CTNNA3: variants seen among roughly 807,000 people sequenced by gnomAD.
The protein encoded by CTNNA3 is catenin alpha 3, also known as catenin alpha-3.
CTNNA3 carries 76 observed loss-of-function variants against 95.7 expected under a neutral mutation model. The observed-to-expected ratio is 0.79, with a 90% CI of 0.66 to 0.96. The LOEUF (loss-of-function observed/expected upper bound fraction) is 0.96. Among genes scored for constraint, CTNNA3 ranks in the 40% least tolerant of loss-of-function variants. CTNNA3 has a pLI of 0.00. For missense variants in CTNNA3, 1,191 were observed against 1,089.8 expected, an observed-to-expected ratio of 1.09 and a Z score of -1.31; for synonymous variants, 431 against 374.4, an observed-to-expected ratio of 1.15 and a Z score of -1.74.
intron 13 of CTNNA3, among the ~76,000 whole-genome samples, chr10:66,189,462 C>T (rs1443625136): frequency 2.6e-5 from 4 of 151,564 alleles, no homozygotes; most frequent in Non-Finnish European, 5.9e-5. Flanking sequence ...TTTATTTCCC[C>T]ATTGTGTCTT....
At chr10:67,593,110 G>C (rs889943000) in intron 3 of CTNNA3, among the ~76,000 whole-genome samples, 1 of 152,082 alleles carries the variant, frequency 6.6e-6, no homozygotes, top group African/African-American at 2.4e-5. Flanking sequence ...CAGGATAATG[G>C]CCTCCAGTTG....
intron 13 of CTNNA3, among the ~76,000 whole-genome samples, chr10:66,124,356 CTCAGCCTGGATT>C (rs1380778184): frequency 6.6e-6 from 1 of 152,202 alleles, no homozygotes; most frequent in Admixed American, 6.5e-5. Context: ...CTGAGACCAC[CTCAGCCTGGATT>C]TCATTGTCCA....
intron 7 of CTNNA3, among the ~76,000 whole-genome samples, chr10:67,094,342 C>T (rs1589729769): frequency 1.3e-5 from 2 of 151,884 alleles, no homozygotes; most frequent in East Asian, 3.9e-4. Flanking sequence ...AATGTCATCT[C>T]ATTAAACAGT....
chr10:67,584,941 C>T (rs919933450), intron 3 of CTNNA3, among the ~76,000 whole-genome samples: 2 of 152,180 alleles, frequency 1.3e-5, no homozygotes, highest in African/African-American at 4.8e-5. Flanking sequence ...GTGGGCGTGT[C>T]CTGATTTTCC....
chr10:67,681,159 G>T (rs1404329394), intron 1 of CTNNA3, among the ~76,000 whole-genome samples: 1 of 152,126 alleles, frequency 6.6e-6, no homozygotes, highest in African/African-American at 2.4e-5. Flanking sequence ...GACCACTTGA[G>T]AACTTGATAA....
chr10:67,548,120 C>A (rs1347265064), intron 3 of CTNNA3, among the ~76,000 whole-genome samples: 1 of 152,092 alleles, frequency 6.6e-6, no homozygotes, highest in Non-Finnish European at 1.5e-5. Flanking sequence ...GTGCTGTCCT[C>A]ATGATAACAA....
At chr10:66,202,053 C>G (rs894935012) in intron 13 of CTNNA3, among the ~76,000 whole-genome samples, 2 of 152,104 alleles carry the variant, frequency 1.3e-5, no homozygotes, top group Non-Finnish European at 2.9e-5. Context: ...TCCCAAAGTG[C>G]TGGGATTATG....
intron 11 of CTNNA3, among the ~76,000 whole-genome samples, chr10:66,384,167 T>C (rs1248538489): frequency 6.6e-6 from 1 of 151,402 alleles, no homozygotes; most frequent in African/African-American, 2.4e-5. Flanking sequence ...GGATAAAGAG[T>C]CAAAACCCGT....
At chr10:66,672,479 C>T (rs1284972587) in intron 9 of CTNNA3, among the ~76,000 whole-genome samples, 1 of 151,996 alleles carries the variant, frequency 6.6e-6, no homozygotes, top group African/African-American at 2.4e-5. Context: ...AAAATGGTAT[C>T]ATGAGATGTC....
At chr10:66,973,874 G>T (rs555167055) in intron 7 of CTNNA3, among the ~76,000 whole-genome samples, 2 of 151,940 alleles carry the variant, frequency 1.3e-5, no homozygotes, top group African/African-American at 4.8e-5. Context: ...TATCCCCCTC[G>T]GCCTCCCAAA....
chr10:65,935,832 G>T (rs1441102917), intron 17 of CTNNA3, among the ~76,000 whole-genome samples: 1 of 152,066 alleles, frequency 6.6e-6, no homozygotes. Context: ...GAGTATAGAA[G>T]GCTAGGGGTA....
chr10:67,317,178 T>C (rs12761940), intron 5 of CTNNA3, among the ~76,000 whole-genome samples: 1 of 148,514 alleles, frequency 6.7e-6, no homozygotes. Context: ...TTTGTTTTTT[T>C]CTTTTTGTTT....
chr10:67,298,426 T>C (rs1252186429), intron 5 of CTNNA3, among the ~76,000 whole-genome samples: 1 of 152,252 alleles, frequency 6.6e-6, no homozygotes, highest in Non-Finnish European at 1.5e-5. Flanking sequence ...ACTCTAATCC[T>C]AGAAACTTCA....
At chr10:67,256,355 T>A (rs1225048600) in intron 5 of CTNNA3, among the ~76,000 whole-genome samples, 1 of 152,196 alleles carries the variant, frequency 6.6e-6, no homozygotes, top group Non-Finnish European at 1.5e-5. Context: ...ATTGTTTACT[T>A]AATAATTTCA....
chr10:65,930,941 A>G (rs1170329267), intron 17 of CTNNA3, among the ~76,000 whole-genome samples: 2 of 152,248 alleles, frequency 1.3e-5, no homozygotes, highest in Non-Finnish European at 2.9e-5. Context: ...ACACATAAGT[A>G]TATATACTGT....
At chr10:67,390,165 G>T (rs940533595) in intron 5 of CTNNA3, among the ~76,000 whole-genome samples, 1 of 152,130 alleles carries the variant, frequency 6.6e-6, no homozygotes, top group Non-Finnish European at 1.5e-5. Context: ...CCACTAGCAT[G>T]ACTAATAAAG....
At position 67,097,643 on chromosome 10, in the gene CTNNA3, T is replaced by C. The variant is rs1209246813; in HGVS notation, c.1047+82674A>G. The C allele has an allele frequency of 3.7e-6, 6 of 1,612,596 alleles. No individual in the cohort carries two copies. In the Middle Eastern group the frequency reaches 5.0e-4, roughly 133 times the overall value. ...TGGCATACGACCAGCCCACAATAAG[T>C]TACTGTGGGGTGCATCATGAACTTC... On this transcript the variant is annotated intron_variant, in intron 7 of 17. Transcript: ENST00000433211.
intron 7 of CTNNA3, among the ~76,000 whole-genome samples, chr10:66,998,335 A>G (rs565352847): frequency 6.6e-5 from 10 of 152,342 alleles, no homozygotes; most frequent in African/African-American, 1.9e-4. Flanking sequence ...AATAGAAGAT[A>G]GAACAATATT....
chr10:67,351,511 C>A (rs1458612842), intron 5 of CTNNA3, among the ~76,000 whole-genome samples: 2 of 151,808 alleles, frequency 1.3e-5, no homozygotes, highest in Non-Finnish European at 2.9e-5. Context: ...AAACAAAAAA[C>A]CAAGCTATAA....
Sources: allele counts gnomAD v4.1 joint callset (sites outside exome capture counted in the v4.1 genomes callset), GRCh38; gene constraint gnomAD v4.1.1; transcripts MANE v1.5; gene names NCBI Gene and HGNC (gene_info 2026-07-23, HGNC 2026-07-21).